PDGFD: variants seen among roughly 807,000 people sequenced by gnomAD.
The protein encoded by PDGFD is platelet-derived growth factor D.
PDGFD carries 30 observed loss-of-function variants against 44.7 expected under a neutral mutation model. The ratio of observed to expected loss-of-function variants is 0.67; its 90% CI spans 0.50 to 0.91. The LOEUF (loss-of-function observed/expected upper bound fraction) is 0.91, where lower values mean the gene tolerates loss of function less well. PDGFD is among the 40% of genes least tolerant of loss of function. The pLI is 0.00. For synonymous variants in PDGFD, 173 were observed against 168.4 expected, an observed-to-expected ratio of 1.03 and a Z score of -0.21; for missense variants, 445 against 457.8, an observed-to-expected ratio of 0.97 and a Z score of 0.25.
chr11:103,996,109 AG>A lies in PDGFD; in HGVS notation c.465del (p.Tyr156ThrfsTer45). 6.2e-7 allele frequency: 1 copy of A among 1,613,738 alleles called. No individual in the cohort carries two copies. Among genetic ancestry groups the A allele is most frequent in the Non-Finnish European group, 8.5e-7 (1 of 1,179,784 alleles). ...TTGAATCCAGGTTTAGCCACAAAGT[AG>A]TCATCGGACTTGAATGTGATTTTAA... ...NQIKITFKSD[D>X]YFVAKPGFKI... On this transcript the variant is annotated frameshift_variant, in exon 3 of 7. Transcript: ENST00000393158. LOFTEE classifies it high-confidence loss of function.
intron 6 of PDGFD, among the ~76,000 whole-genome samples, chr11:103,925,716 C>CACAT (rs1198529368): frequency 0.019 from 2,328 of 122,630 alleles, 30 homozygotes; most frequent in Non-Finnish European, 0.023. Context: ...CACACACACA[C>CACAT]ATATATATAT....
chr11:103,914,391 T>C (rs182049716), intron 6 of PDGFD, among the ~76,000 whole-genome samples: 2 of 152,258 alleles, frequency 1.3e-5, no homozygotes, highest in African/African-American at 4.8e-5. Flanking sequence ...CTCTCAAGAC[T>C]AAACCAGGAA....
chr11:104,075,294 A>T (rs1001677994), intron 1 of PDGFD, among the ~76,000 whole-genome samples: 8 of 152,154 alleles, frequency 5.3e-5, no homozygotes, highest in African/African-American at 1.9e-4. Context: ...TTAATGAACC[A>T]TTAGCTGTAT....
chr11:103,943,460 T>A lies in PDGFD; in HGVS notation c.764A>T (p.Lys255Met), dbSNP rs1446878740. ...RYRGRSYHDR[K>M]SKVDLDRLND... ...AAGTGTCTGTCTCTTACCTTTTGAC[T>A]TCCGGTCATGGTATGACCTGCCTCG... Residue 255 changes from lysine (K) to methionine (M), a missense_variant, in exon 5 of 7, where the codon AAG becomes ATG. Coordinates refer to ENST00000393158, the MANE Select transcript of PDGFD (RefSeq NM_025208.5). 6.2e-7 allele frequency: 1 copy of A among 1,611,662 alleles called. No homozygotes were observed. Among genetic ancestry groups the A allele is most frequent in the Non-Finnish European group, 8.5e-7 (1 of 1,178,934 alleles).
chr11:104,068,936 A>G (rs774145470), intron 1 of PDGFD, among the ~76,000 whole-genome samples: 1 of 152,186 alleles, frequency 6.6e-6, no homozygotes, highest in Non-Finnish European at 1.5e-5. Flanking sequence ...TCTAAAAGCA[A>G]GCAATTCTTT....
At chr11:103,941,648 T>C (rs1185471663) in intron 5 of PDGFD, among the ~76,000 whole-genome samples, 2 of 151,884 alleles carry the variant, frequency 1.3e-5, no homozygotes, top group Non-Finnish European at 2.9e-5. Flanking sequence ...ACAAAACTTG[T>C]AAGTGGCAGG....
intron 3 of PDGFD, among the ~76,000 whole-genome samples, chr11:103,977,932 T>C (rs1261436175): frequency 1.3e-5 from 2 of 152,010 alleles, no homozygotes; most frequent in African/African-American, 4.8e-5. Flanking sequence ...GTAGAGATTA[T>C]AGAATTGTTA....
chr11:103,973,690 A>G (rs260820), intron 3 of PDGFD, among the ~76,000 whole-genome samples: 79,652 of 151,930 alleles, frequency 0.52, 21,431 homozygotes, highest in African/African-American at 0.63. Context: ...GCAGAGGCTG[A>G]ATTTAAATTC....
intron 3 of PDGFD, among the ~76,000 whole-genome samples, chr11:103,966,166 G>A (rs1041191310): frequency 6.6e-6 from 1 of 152,172 alleles, no homozygotes; most frequent in Admixed American, 6.5e-5. Flanking sequence ...GATGTTTCCT[G>A]ATTAGTTATG....
chr11:104,151,737 TA>T (rs1862248462), intron 1 of PDGFD, among the ~76,000 whole-genome samples: 1 of 152,162 alleles, frequency 6.6e-6, no homozygotes, highest in Admixed American at 6.5e-5. Flanking sequence ...CTTCTGGTCC[TA>T]AAATTAAAAG....
chr11:103,927,405 C>CA (rs1221342883), intron 5 of PDGFD, among the ~76,000 whole-genome samples: 2 of 151,836 alleles, frequency 1.3e-5, no homozygotes, highest in African/African-American at 2.4e-5. Context: ...CTTTTTTATG[C>CA]AAAAAAAGTT....
At chr11:104,069,074 G>C (rs1306270557) in intron 1 of PDGFD, among the ~76,000 whole-genome samples, 1 of 152,110 alleles carries the variant, frequency 6.6e-6, no homozygotes, top group Admixed American at 6.5e-5. Context: ...ATGTCTATAA[G>C]AGCAAACAAA....
chr11:104,050,762 C>T lies in PDGFD; in HGVS notation c.125-50507G>A, dbSNP rs543142040. Among the ~76,000 whole-genome samples, 15 of 152,128 alleles carry T rather than the reference C, an allele frequency of 9.9e-5. 1 individual carries two copies. In the South Asian group the frequency reaches 3.1e-3, roughly 32 times the overall value. Reference sequence around the variant, plus strand: ...GGGTCTTGCAAGACAAATAACTGTCCCTCCCCCATCTCCAGCAGCACATAC... The same window carrying T: ...GGGTCTTGCAAGACAAATAACTGTCTCTCCCCCATCTCCAGCAGCACATAC... On this transcript the variant is annotated intron_variant, in intron 1 of 6. Coordinates refer to ENST00000393158, the MANE Select transcript of PDGFD (RefSeq NM_025208.5).
At chr11:103,953,469 T>C (rs1273989751) in intron 3 of PDGFD, among the ~76,000 whole-genome samples, 1 of 152,222 alleles carries the variant, frequency 6.6e-6, no homozygotes, top group Non-Finnish European at 1.5e-5. Flanking sequence ...TGACATATTC[T>C]TATTTTCTTC....
chr11:103,967,323 A>T (rs1378199746), intron 3 of PDGFD, among the ~76,000 whole-genome samples: 2 of 152,134 alleles, frequency 1.3e-5, no homozygotes, highest in Non-Finnish European at 2.9e-5. Context: ...TGTTACCATC[A>T]TTCTGGATAA....
intron 3 of PDGFD, among the ~76,000 whole-genome samples, chr11:103,980,272 T>C (rs544763296): frequency 1.3e-5 from 2 of 152,228 alleles, no homozygotes; most frequent in African/African-American, 4.8e-5. Context: ...TTTTAGACAC[T>C]TGGCTTGTGT....
intron 3 of PDGFD, among the ~76,000 whole-genome samples, chr11:103,983,835 A>G (rs1485724808): frequency 1.3e-5 from 2 of 151,738 alleles, no homozygotes; most frequent in African/African-American, 4.9e-5. Flanking sequence ...AGAGAGATGC[A>G]AATTAAAGCC....
At chr11:103,933,452 G>A (rs1292467926) in intron 5 of PDGFD, among the ~76,000 whole-genome samples, 1 of 152,176 alleles carries the variant, frequency 6.6e-6, no homozygotes, top group Non-Finnish European at 1.5e-5. Context: ...GGGACTATCA[G>A]GATACTTTAA....
At chr11:104,059,427 T>C (rs530534303) in intron 1 of PDGFD, among the ~76,000 whole-genome samples, 69 of 152,336 alleles carry the variant, frequency 4.5e-4, no homozygotes, top group Middle Eastern at 3.4e-3. Context: ...ATTATTTTGA[T>C]AAACTAAATA....
Sources: gnomAD v4.1 joint callset for allele counts (sites outside exome capture counted in the v4.1 genomes callset) on GRCh38, gnomAD v4.1.1 for gene constraint, MANE v1.5 for transcripts, NCBI Gene and HGNC (gene_info 2026-07-23, HGNC 2026-07-21) for gene names.